Variants in CAPN13 observed in about 807,000 individuals in gnomAD.
CAPN13 encodes the protein calpain-13.
CAPN13 carries 90 observed loss-of-function variants against 98.4 expected under a neutral mutation model. The observed-to-expected ratio is 0.92, with a 90% CI of 0.77 to 1.09. The LOEUF (loss-of-function observed/expected upper bound fraction) is 1.09, where lower values mean the gene tolerates loss of function less well. CAPN13 is among the 50% of genes least tolerant of loss of function. The probability of loss-of-function intolerance (pLI) is 0.00; values close to 1 mark genes in which losing one functional copy is unlikely to be tolerated. For missense variants in CAPN13, 887 were observed against 841.3 expected (o/e 1.05, Z -0.67); for synonymous variants, 330 against 305.5 (o/e 1.08, Z -0.84).
intron 12 of CAPN13, among the ~76,000 whole-genome samples, chr2:30,744,644 G>C (rs985263490): frequency 6.6e-6 from 1 of 152,164 alleles, no homozygotes; most frequent in Non-Finnish European, 1.5e-5. Context: ...TGCTCCCTCT[G>C]TTGACCCCTC....
At chr2:30,806,464 G>A (rs558410981) in intron 1 of CAPN13, among the ~76,000 whole-genome samples, 2 of 152,244 alleles carry the variant, frequency 1.3e-5, no homozygotes, top group African/African-American at 4.8e-5. Flanking sequence ...GGGTACAAAG[G>A]TGAGACAATT....
chr2:30,757,915 G>C, intron 8 of CAPN13, 131 bp downstream of exon 8: 2 of 641,832 alleles, frequency 3.1e-6, no homozygotes, highest in South Asian at 4.8e-5. Flanking sequence ...CGATAGCCAC[G>C]TGTAGGTGTG....
chr2:30,767,686 T>C (rs184934600), intron 5 of CAPN13, among the ~76,000 whole-genome samples: 101 of 152,362 alleles, frequency 6.6e-4, no homozygotes, highest in Admixed American at 2.0e-3. Flanking sequence ...AATGAGCAGC[T>C]GTTTCTGACA....
At chr2:30,755,103 GTCT>G (rs1388329043) in intron 8 of CAPN13, among the ~76,000 whole-genome samples, 4 of 151,926 alleles carry the variant, frequency 2.6e-5, no homozygotes, top group African/African-American at 7.3e-5. Flanking sequence ...CAGCAATAGT[GTCT>G]TCATTTCCTT....
At chr2:30,749,629 G>C (rs1672076327) in intron 11 of CAPN13, among the ~76,000 whole-genome samples, 1 of 152,236 alleles carries the variant, frequency 6.6e-6, no homozygotes, top group South Asian at 2.1e-4. Context: ...AAGGTGACTT[G>C]TGTGTTTGAC....
At chr2:30,745,386 A>C in intron 12 of CAPN13, 1 of 525,600 alleles carries the variant, frequency 1.9e-6, no homozygotes. Flanking sequence ...GAGGCTAAAG[A>C]TCTTTCCAAG....
intron 15 of CAPN13, chr2:30,741,537 C>T: frequency 1.9e-6 from 2 of 1,061,242 alleles, no homozygotes; most frequent in Non-Finnish European, 2.3e-6. Context: ...CTGGCTAGCT[C>T]CCGGGAGGAA....
intron 15 of CAPN13, chr2:30,741,614 C>T: frequency 8.6e-7 from 1 of 1,166,436 alleles, no homozygotes; most frequent in Non-Finnish European, 1.1e-6. Context: ...CTGCCAATTG[C>T]TTGTTTAAAG....
intron 1 of CAPN13, among the ~76,000 whole-genome samples, chr2:30,792,869 A>G (rs756229214): frequency 1.7e-4 from 26 of 152,114 alleles, no homozygotes; most frequent in African/African-American, 2.9e-4. Flanking sequence ...GAAAGATACC[A>G]CATCATAAGT....
chr2:30,784,483 T>C (rs1674156727), intron 2 of CAPN13, among the ~76,000 whole-genome samples: 1 of 152,242 alleles, frequency 6.6e-6, no homozygotes, highest in African/African-American at 2.4e-5. Context: ...AGTAATCATA[T>C]GTGGTACAGG....
At chr2:30,728,181 G>T (rs1331994318) in intron 22 of CAPN13, among the ~76,000 whole-genome samples, 2 of 149,834 alleles carry the variant, frequency 1.3e-5, no homozygotes, top group African/African-American at 4.9e-5. Context: ...CAACTGCTGT[G>T]GGCATGCTAG....
At position 30,770,491 on chromosome 2, in the gene CAPN13, G is replaced by A. The variant is rs763958750; in HGVS notation, c.388-42C>T. ...CATATGCTTTGACAGAGTTGAGGCA[G>A]AAGGGAGCTCCTGGGTCCCCCAACC... On this transcript the variant is annotated intron_variant, in intron 4 of 22. Coordinates refer to ENST00000295055, the MANE Select transcript of CAPN13 (RefSeq NM_144575.3). The A allele has an allele frequency of 1.2e-5, 19 of 1,601,218 alleles. No homozygotes were observed. In the Admixed American group the frequency reaches 2.2e-4, roughly 19 times the overall value.
intron 9 of CAPN13, 128 bp downstream of exon 9, chr2:30,754,162 T>C: frequency 1.7e-6 from 1 of 595,480 alleles, no homozygotes; most frequent in South Asian, 4.9e-5. Flanking sequence ...GTAGAGAAAA[T>C]AGGCTCCCTC....
chr2:30,742,228 G>A (rs1671697646), intron 14 of CAPN13, 98 bp downstream of exon 14: 3 of 1,379,426 alleles, frequency 2.2e-6, no homozygotes, highest in South Asian at 2.5e-5. Context: ...TCTTTTCATT[G>A]GTTGGGGGCA....
rs866646904 is a variant in CAPN13, at chr2:30,751,245, G to A, written c.1094C>T (p.Pro365Leu). The part of the protein sequence containing the change: ...QVILGNTAGG[P>L]RNDAQFNFSV... ...GAAGTTGAATTGAGCATCATTCCGA[G>A]GTCCTCCTGCATCAGAAAGAGCTGT... The change falls in exon 11 of 23, where the codon CCT becomes CTT. Residue 365 changes from proline (P) to leucine (L), a missense_variant. Transcript: ENST00000295055. 1.2e-6 allele frequency: 2 copies of A among 1,613,812 alleles called. No homozygotes were observed. The highest frequency in any genetic ancestry group is 2.7e-5 in the African/African-American group (2 of 75,042).
chr2:30,756,090 C>G (rs1572824095), intron 8 of CAPN13, among the ~76,000 whole-genome samples: 1 of 152,092 alleles, frequency 6.6e-6, no homozygotes, highest in East Asian at 1.9e-4. Context: ...CGAGATCCAA[C>G]AGAACAGGTT....
At chr2:30,764,947 GA>G (rs762039485) in intron 5 of CAPN13, among the ~76,000 whole-genome samples, 2 of 152,124 alleles carry the variant, frequency 1.3e-5, no homozygotes, top group African/African-American at 2.4e-5. Flanking sequence ...GATCATTAGG[GA>G]GATCACTGGC....
At chr2:30,732,608 C>G in intron 19 of CAPN13, 42 bp from the exon 20 acceptor site, 1 of 1,581,020 alleles carries the variant, frequency 6.3e-7, no homozygotes, top group Non-Finnish European at 8.6e-7. Flanking sequence ...GAGGCTAGGG[C>G]TCGGGGGTTC....
At chr2:30,725,121 G>GAATCA (rs544950366) in intron 22 of CAPN13, among the ~76,000 whole-genome samples, 5,889 of 152,152 alleles carry the variant, frequency 0.039, 202 homozygotes, top group East Asian at 0.14. Flanking sequence ...CTCTCAGCAG[G>GAATCA]GTGTGATTTG....
Sources: gnomAD v4.1 joint callset for allele counts (sites outside exome capture counted in the v4.1 genomes callset) on GRCh38, gnomAD v4.1.1 for gene constraint, MANE v1.5 for transcripts, NCBI Gene and HGNC (gene_info 2026-07-23, HGNC 2026-07-21) for gene names.